PPFIBP2: variants seen among roughly 807,000 people sequenced by gnomAD.
PPFIBP2 encodes the protein liprin-beta-2.
A neutral mutation model predicts 118.3 loss-of-function variants in PPFIBP2; 118 were observed. That is an observed-to-expected ratio of 1.00 (90% CI 0.86 to 1.16). The LOEUF is 1.16. PPFIBP2 is among the 50% of genes most tolerant of loss of function. The probability of loss-of-function intolerance (pLI) is 0.00; values close to 1 mark genes in which losing one functional copy is unlikely to be tolerated. For synonymous variants in PPFIBP2, 414 were observed against 397.4 expected (o/e 1.04, Z -0.50); for missense variants, 1,195 against 1,073.1 (o/e 1.11, Z -1.59).
At chr11:7,618,692 TTC>T (rs1422347122) in intron 6 of PPFIBP2, among the ~76,000 whole-genome samples, 4 of 152,076 alleles carry the variant, frequency 2.6e-5, no homozygotes, top group Non-Finnish European at 5.9e-5. Context: ...CTGAGAAGTT[TTC>T]TTTTTCTTTT....
At chr11:7,572,623 C>G (rs1466764782) in intron 3 of PPFIBP2, among the ~76,000 whole-genome samples, 1 of 152,198 alleles carries the variant, frequency 6.6e-6, no homozygotes, top group Non-Finnish European at 1.5e-5. Context: ...CACCCACTTA[C>G]CCTCCACCTA....
intron 5 of PPFIBP2, among the ~76,000 whole-genome samples, chr11:7,608,259 A>G (rs957367809): frequency 1.3e-5 from 2 of 152,192 alleles, no homozygotes; most frequent in Non-Finnish European, 1.5e-5. Context: ...AATGTCTCTT[A>G]AAATGCTTGG....
intron 6 of PPFIBP2, among the ~76,000 whole-genome samples, chr11:7,615,198 A>C (rs915561887): frequency 6.6e-6 from 1 of 152,102 alleles, no homozygotes; most frequent in Non-Finnish European, 1.5e-5. Flanking sequence ...TTAGCCAGGC[A>C]TGGTGGTACA....
chr11:7,655,828 G>A (rs928225838), downstream of PPFIBP2, among the ~76,000 whole-genome samples: 2 of 151,874 alleles, frequency 1.3e-5, no homozygotes, highest in Non-Finnish European at 2.9e-5. Context: ...TAGATCACCT[G>A]TCTCATCAGC....
the PPFIBP2 span, among the ~76,000 whole-genome samples, chr11:7,663,919 G>T: frequency 2.6e-5 from 4 of 152,120 alleles, no homozygotes; most frequent in Non-Finnish European, 4.4e-5. Context: ...TTCCAGGTGC[G>T]TCCGTCACCC....
chr11:7,637,920 C>T (rs1851657278), intron 14 of PPFIBP2, among the ~76,000 whole-genome samples: 3 of 152,170 alleles, frequency 2.0e-5, no homozygotes, highest in Non-Finnish European at 2.9e-5. Flanking sequence ...CCGGGTGGCC[C>T]ACTTGCTTCC....
At chr11:7,667,055 A>C in the PPFIBP2 span, 1 of 152,530 alleles carries the variant, frequency 6.6e-6, no homozygotes, top group Admixed American at 6.5e-5. Context: ...AGCCAAAAAT[A>C]ACCTGTCACA....
chr11:7,588,423 T>A (rs1200539813), intron 3 of PPFIBP2, among the ~76,000 whole-genome samples: 1 of 152,186 alleles, frequency 6.6e-6, no homozygotes. Flanking sequence ...GCTGATACAT[T>A]TTCCTGAGGC....
chr11:7,599,214 C>T (rs534039893), intron 5 of PPFIBP2, among the ~76,000 whole-genome samples: 15 of 151,772 alleles, frequency 9.9e-5, no homozygotes, highest in African/African-American at 3.1e-4. Flanking sequence ...AAACAACCTA[C>T]TAGATTGTGT....
At chr11:7,518,001 C>A (rs1164986659) in intron 1 of PPFIBP2, among the ~76,000 whole-genome samples, 2 of 152,192 alleles carry the variant, frequency 1.3e-5, no homozygotes, top group African/African-American at 4.8e-5. Flanking sequence ...GCTTTCATTG[C>A]CGTACTTGAA....
intron 2 of PPFIBP2, among the ~76,000 whole-genome samples, chr11:7,555,168 C>T (rs1017784146): frequency 6.6e-6 from 1 of 152,160 alleles, no homozygotes; most frequent in Non-Finnish European, 1.5e-5. Flanking sequence ...TGTCAGGCCA[C>T]TTCTGGCAGG....
At chr11:7,582,059 A>G (rs1208597285) in intron 3 of PPFIBP2, among the ~76,000 whole-genome samples, 2 of 152,062 alleles carry the variant, frequency 1.3e-5, no homozygotes, top group Non-Finnish European at 2.9e-5. Context: ...TCTGGTCTCG[A>G]ACTCCTGATC....
rs1261451826 is a variant in PPFIBP2, at chr11:7,616,227, C to A, written c.619-4708C>A. 6.6e-6 allele frequency among the ~76,000 whole-genome samples: 1 copy of A among 152,074 alleles called. No individual in the cohort carries two copies. Among genetic ancestry groups the A allele is most frequent in the Non-Finnish European group, 1.5e-5 (1 of 68,012 alleles). ...ATTCCATGGATGCCTCTGACAGATA[C>A]AAAAAATTTAGGACAATAGTCCCCC... On this transcript the variant is annotated intron_variant, in intron 6 of 23. Coordinates refer to ENST00000299492, the MANE Select transcript of PPFIBP2 (RefSeq NM_003621.5). The surrounding 1 kb of genome is among the most constrained non-coding windows in gnomAD (Gnocchi z 5.2).
chr11:7,649,716 A>G lies in PPFIBP2; in HGVS notation c.2121+62A>G. On this transcript the variant is annotated intron_variant, in intron 21 of 23. Transcript: ENST00000299492. The stretch of plus-strand genomic sequence containing the variant: ...AGCCAGGACCCCTGAAACATCGAGC[A>G]TGAGCAAACAAGAATGACATCATAA... The G allele has an allele frequency of 1.9e-6, 3 of 1,594,410 alleles. No individual in the cohort carries two copies. The South Asian group carries it at 3.4e-5, about 18-fold the overall frequency.
intron 3 of PPFIBP2, among the ~76,000 whole-genome samples, chr11:7,588,306 T>C (rs994380187): frequency 1.3e-5 from 2 of 152,176 alleles, no homozygotes; most frequent in Admixed American, 1.3e-4. Context: ...GGTCAGTCAG[T>C]CCTCTCCCTC....
At chr11:7,535,290 A>G (rs1051242048) in intron 1 of PPFIBP2, among the ~76,000 whole-genome samples, 2 of 152,184 alleles carry the variant, frequency 1.3e-5, no homozygotes, top group Admixed American at 6.5e-5. Context: ...ATTAGTTTTG[A>G]TGGACAGAGA....
intron 7 of PPFIBP2, 71 bp from the exon 8 acceptor site, chr11:7,625,706 C>T: frequency 7.8e-7 from 1 of 1,288,836 alleles, no homozygotes; most frequent in Non-Finnish European, 1.1e-6. Context: ...GGTCTGGACT[C>T]TGACGGGAGG....
chr11:7,537,102 G>A, intron 1 of PPFIBP2, among the ~76,000 whole-genome samples: 1 of 152,234 alleles, frequency 6.6e-6, no homozygotes, highest in East Asian at 1.9e-4. Context: ...GGAAGAGTGG[G>A]TGGCTTCTAG....
the PPFIBP2 span, chr11:7,666,298 T>G: frequency 1.6e-6 from 1 of 614,334 alleles, no homozygotes; most frequent in Non-Finnish European, 2.9e-6. Flanking sequence ...CTCCCTCAAT[T>G]TCTCACATTT....
Sources: gnomAD v4.1 joint callset for allele counts (sites outside exome capture counted in the v4.1 genomes callset) on GRCh38, gnomAD v4.1.1 for gene constraint, Gnocchi (gnomAD v3.1) non-coding constraint, MANE v1.5 for transcripts, NCBI Gene and HGNC (gene_info 2026-07-23, HGNC 2026-07-21) for gene names.